The following PARPBP variants were observed in gnomAD, a reference collection of about 807,000 sequenced individuals.
PARPBP encodes the protein PCNA-interacting partner.
In PARPBP, 52 loss-of-function variants were observed where a neutral mutation model predicts 50.0. That is an observed-to-expected ratio of 1.04 (90% confidence interval 0.83 to 1.31). The LOEUF (loss-of-function observed/expected upper bound fraction) is 1.31, where lower values mean the gene tolerates loss of function less well. PARPBP is among the 50% of genes most tolerant of loss of function. The pLI, the probability that PARPBP is intolerant of heterozygous loss-of-function variation, is 0.00. For synonymous variants in PARPBP, 244 were observed against 232.1 expected, an observed-to-expected ratio of 1.05 and a Z score of -0.47; for missense variants, 697 against 672.0, an observed-to-expected ratio of 1.04 and a Z score of -0.41.
chr12:102,172,700 A>G (rs565927011), intron 6 of PARPBP, among the ~76,000 whole-genome samples: 167 of 152,312 alleles, frequency 1.1e-3, no homozygotes, highest in African/African-American at 3.9e-3. Context: ...CATTTTTGTC[A>G]TGTAGAAGGA....
At position 102,159,722 on chromosome 12, in the gene PARPBP, G is replaced by C. The variant is rs1887358054; in HGVS notation, c.496-4716G>C. On this transcript the variant is annotated intron_variant, in intron 4 of 10. Coordinates refer to ENST00000327680, the MANE Select transcript of PARPBP (RefSeq NM_017915.5). ...AAAAAAAAATCTACTAAGTATCTTA[G>C]TTTTTGTCCAACTTTTTTTTTGTCA... 2.0e-5 allele frequency among the ~76,000 whole-genome samples: 3 copies of C among 151,788 alleles called. No individual in the cohort carries two copies. The South Asian group carries it at 6.2e-4, about 31-fold the overall frequency.
In PARPBP at chr12:102,196,020, G is replaced by A. The variant is rs1249402735; in HGVS notation, c.1469G>A (p.Ser490Asn). The A allele has an allele frequency of 6.2e-7, 1 of 1,610,936 alleles. No individual in the cohort carries two copies. Among genetic ancestry groups the A allele is most frequent in the Non-Finnish European group, 8.5e-7 (1 of 1,178,388 alleles). The change falls in exon 11 of 11, where the codon AGT becomes AAT. Residue 490 changes from serine to asparagine, a missense_variant. Physicochemically the swap from Ser to Asn is conservative, Grantham distance 46 (BLOSUM62 1). Transcript: ENST00000327680. ...TTTGGAAATGTTCATCTGGACAGAA[G>A]TAAAAATGAAAAAGTATCAAGAAAA... Reference protein sequence around the residue: ...TSFGNVHLDRSKNEKVSRKST... With the variant: ...TSFGNVHLDRNKNEKVSRKST...
chr12:102,137,028 C>G (rs1883742880), intron 2 of PARPBP, among the ~76,000 whole-genome samples: 2 of 152,020 alleles, frequency 1.3e-5, no homozygotes, highest in African/African-American at 4.8e-5. Flanking sequence ...AATCTCCGCT[C>G]ACTGTAAACT....
intron 2 of PARPBP, among the ~76,000 whole-genome samples, chr12:102,133,607 A>G (rs1294087543): frequency 3.3e-5 from 5 of 151,356 alleles, no homozygotes; most frequent in Admixed American, 6.6e-5. Flanking sequence ...TTTTTCTTGT[A>G]GTGTCCTAGT....
chr12:102,136,221 A>C (rs1883610303), intron 2 of PARPBP, among the ~76,000 whole-genome samples: 1 of 152,234 alleles, frequency 6.6e-6, no homozygotes. Flanking sequence ...AGTAGTACTA[A>C]GGTAAATGAT....
intron 4 of PARPBP, among the ~76,000 whole-genome samples, chr12:102,159,721 A>T (rs1887357698): frequency 6.6e-6 from 1 of 152,296 alleles, no homozygotes; most frequent in African/African-American, 2.4e-5. Flanking sequence ...TAAGTATCTT[A>T]GTTTTTGTCC....
chr12:102,156,488 G>A lies in PARPBP; in HGVS notation c.495+2512G>A, dbSNP rs189242518. 2.6e-3 allele frequency among the ~76,000 whole-genome samples: 392 copies of A among 151,456 alleles called. 3 individuals carry two copies. The highest frequency in any genetic ancestry group is 9.0e-3 in the African/African-American group (371 of 41,284). ...ATTACAGGTGTGAGCCACTGCGCCC[G>A]GCCCAGAATTAACCTTAAATATTTT... On this transcript the variant is annotated intron_variant, in intron 4 of 10. Transcript: ENST00000327680.
Position 102,164,440 on chromosome 12 carries a change from G to A in PARPBP, c.498G>A (p.Val166=), listed in dbSNP as rs1285638364. The change falls in exon 5 of 11, where the codon GTG becomes GTA. Residue 166 remains valine, a splice_region_variant and synonymous_variant. Coordinates refer to ENST00000327680, the MANE Select transcript of PARPBP (RefSeq NM_017915.5). ...TAACTGAATATTTTATTGCACAGGT[G>A]CAGCTGCTAGCAAGGAAAATTATCT... is the stretch of plus-strand genomic sequence containing the variant. ...TSKYNRDNEK[V]QLLARKIIFS... 2 of 1,607,838 alleles carry A rather than the reference G, an allele frequency of 1.2e-6. No individual in the cohort carries two copies. Among genetic ancestry groups the A allele is most frequent in the Admixed American group, 1.7e-5 (1 of 59,950 alleles).
chr12:102,154,922 G>A (rs2102476), intron 4 of PARPBP: 39 of 420,952 alleles, frequency 9.3e-5, no homozygotes, highest in Non-Finnish European at 1.4e-4. Flanking sequence ...CCTATGAGAC[G>A]TCATCTACAT....
chr12:102,166,198 T>A (rs1221297019), intron 6 of PARPBP, among the ~76,000 whole-genome samples: 1 of 152,186 alleles, frequency 6.6e-6, no homozygotes, highest in Non-Finnish European at 1.5e-5. Flanking sequence ...TTTCTGTATA[T>A]TTTTTATTTA....
Position 102,192,080 on chromosome 12 carries a change from A to G in PARPBP, c.1264-3232A>G, listed in dbSNP as rs142368711. Among the ~76,000 whole-genome samples, 900 of 152,258 alleles carry G rather than the reference A, an allele frequency of 5.9e-3. 11 individuals are homozygous for G. The highest frequency in any genetic ancestry group is 0.02 in the African/African-American group (844 of 41,576). On this transcript the variant is annotated intron_variant, in intron 9 of 10. Coordinates refer to ENST00000327680, the MANE Select transcript of PARPBP (RefSeq NM_017915.5). Reference sequence around the variant, plus strand: ...TTAAGTTATAAATATAAGCCAATGTAGGTTGCGTTGTTTAAATAATTAAAA... The same window carrying G: ...TTAAGTTATAAATATAAGCCAATGTGGGTTGCGTTGTTTAAATAATTAAAA...
chr12:102,160,227 C>G (rs1011071981), intron 4 of PARPBP, among the ~76,000 whole-genome samples: 2 of 152,152 alleles, frequency 1.3e-5, no homozygotes, highest in African/African-American at 2.4e-5. Context: ...AAGAAACACT[C>G]TAACTGTGAG....
intron 9 of PARPBP, among the ~76,000 whole-genome samples, chr12:102,190,560 C>G (rs1046692932): frequency 1.7e-4 from 26 of 152,198 alleles, no homozygotes; most frequent in Admixed American, 1.2e-3. Context: ...CATAAACAGT[C>G]AGCTCTTGAG....
At position 102,147,635 on chromosome 12, in the gene PARPBP, C is replaced by T. The variant is rs139022603; in HGVS notation, c.154-595C>T. ...ATGCTAAATGACGAGTTAATGGGTGCGGCGCACCAGCATGGCATATGTATA... is the reference window on the plus strand; with the variant it reads ...ATGCTAAATGACGAGTTAATGGGTGTGGCGCACCAGCATGGCATATGTATA... On this transcript the variant is annotated intron_variant, in intron 2 of 10. Coordinates refer to ENST00000327680, the MANE Select transcript of PARPBP (RefSeq NM_017915.5). 2.1e-3 allele frequency among the ~76,000 whole-genome samples: 323 copies of T among 151,720 alleles called. 2 individuals carry two copies. Among genetic ancestry groups the T allele is most frequent in the Middle Eastern group, 0.017 (5 of 294 alleles).
rs576131122 is a variant in PARPBP at position 102,136,958 on chromosome 12, T to A, written c.154-11272T>A. On this transcript the variant is annotated intron_variant, in intron 2 of 10. Coordinates refer to ENST00000327680, the MANE Select transcript of PARPBP (RefSeq NM_017915.5). The stretch of plus-strand genomic sequence containing the variant: ...TGTTTTGTTTTGTGTTTTTTTTGTT[T>A]GTTTGTTTGTTTTTGAGACAGAGTC... 1.1e-3 allele frequency among the ~76,000 whole-genome samples: 161 copies of A among 152,208 alleles called. 1 individual carries two copies. The highest frequency in any genetic ancestry group is 3.8e-3 in the African/African-American group (157 of 41,514).
At chr12:102,141,169 G>A (rs1398051720) in intron 2 of PARPBP, among the ~76,000 whole-genome samples, 2 of 152,176 alleles carry the variant, frequency 1.3e-5, no homozygotes, top group South Asian at 2.1e-4. Context: ...GGGTGCTCCT[G>A]TATTGTGTGC....
At chr12:102,129,413 C>T (rs757344360) in intron 2 of PARPBP, among the ~76,000 whole-genome samples, 2 of 152,116 alleles carry the variant, frequency 1.3e-5, no homozygotes, top group Non-Finnish European at 2.9e-5. Context: ...TGTCTCTTCA[C>T]TCTGCTGATT....
At chr12:102,158,668 C>G (rs1020084499) in intron 4 of PARPBP, among the ~76,000 whole-genome samples, 6 of 151,718 alleles carry the variant, frequency 4.0e-5, no homozygotes, top group Non-Finnish European at 7.4e-5. Flanking sequence ...AAGTGATTGC[C>G]AAATTGCCTG....
chr12:102,127,552 T>G (rs1882199371), intron 2 of PARPBP, among the ~76,000 whole-genome samples: 1 of 152,184 alleles, frequency 6.6e-6, no homozygotes, highest in African/African-American at 2.4e-5. Flanking sequence ...TGTTTAAAAA[T>G]TTGTTTAAAT....
Sources: allele counts gnomAD v4.1 joint callset (sites outside exome capture counted in the v4.1 genomes callset), GRCh38; gene constraint gnomAD v4.1.1; transcripts MANE v1.5; gene names NCBI Gene and HGNC (gene_info 2026-07-23, HGNC 2026-07-21).